PTPRD: variants seen among roughly 807,000 people sequenced by gnomAD.
The protein encoded by PTPRD is protein tyrosine phosphatase receptor type D.
Under a neutral mutation model 214.5 loss-of-function variants are expected in PTPRD, and 34 were observed. The observed-to-expected ratio is 0.16, with a 90% CI of 0.12 to 0.21. The LOEUF (loss-of-function observed/expected upper bound fraction) is 0.21. Ranked by LOEUF, PTPRD falls within the 10% of genes least tolerant of loss-of-function variation. The probability of loss-of-function intolerance (pLI) is 1.00; values close to 1 mark genes in which losing one functional copy is unlikely to be tolerated. For synonymous variants in PTPRD, 1,128 were observed against 845.7 expected, an observed-to-expected ratio of 1.33 and a Z score of -5.79; for missense variants, 2,545 against 2,398.7, an observed-to-expected ratio of 1.06 and a Z score of -1.27.
chr9:10,060,869 T>TTTCC (rs761292264), intron 3 of PTPRD, among the ~76,000 whole-genome samples: 6,077 of 82,884 alleles, frequency 0.073, 652 homozygotes, highest in South Asian at 0.086. Flanking sequence ...TCCTTCCTTC[T>TTTCC]TTCCTTCCTT....
intron 8 of PTPRD, among the ~76,000 whole-genome samples, chr9:9,457,095 G>T (rs1273959119): frequency 6.6e-6 from 1 of 151,900 alleles, no homozygotes; most frequent in Non-Finnish European, 1.5e-5. Context: ...CAACAGGACA[G>T]CAATAGGGTA....
At chr9:9,280,185 A>T (rs1235589606) in intron 9 of PTPRD, among the ~76,000 whole-genome samples, 1 of 151,268 alleles carries the variant, frequency 6.6e-6, no homozygotes, top group African/African-American at 2.4e-5. Context: ...TTATTTCTAC[A>T]TGAATAAGGC....
At position 10,020,114 on chromosome 9, in the gene PTPRD, A is replaced by G. The variant is rs540264589; in HGVS notation, c.-472+13604T>C. On this transcript the variant is annotated intron_variant, in intron 4 of 45. Transcript: ENST00000381196. ...TACTTTTGTGATTTGAAGAAGTTAAATATTTATTATTAATAAGAATACTAT... is the reference window on the plus strand; with the variant it reads ...TACTTTTGTGATTTGAAGAAGTTAAGTATTTATTATTAATAAGAATACTAT... Among the ~76,000 whole-genome samples the G allele has an allele frequency of 1.9e-4, 29 of 152,210 alleles. 1 individual carries two copies. The South Asian group carries it at 5.4e-3, about 28-fold the overall frequency.
At chr9:10,501,525 G>A (rs1292088006) in intron 2 of PTPRD, among the ~76,000 whole-genome samples, 1 of 151,846 alleles carries the variant, frequency 6.6e-6, no homozygotes, top group East Asian at 1.9e-4. Context: ...TTAAGAAGCT[G>A]AGATCTACCT....
At chr9:10,032,387 A>G (rs950449752) in intron 4 of PTPRD, among the ~76,000 whole-genome samples, 1 of 152,196 alleles carries the variant, frequency 6.6e-6, no homozygotes, top group Non-Finnish European at 1.5e-5. Context: ...ACTTGCCAAG[A>G]TATCTTTGGA....
chr9:9,971,165 G>A (rs984751203), intron 4 of PTPRD, among the ~76,000 whole-genome samples: 7 of 152,034 alleles, frequency 4.6e-5, no homozygotes, highest in Non-Finnish European at 1.0e-4. Flanking sequence ...ACAATCATGT[G>A]ATTAACAATA....
chr9:9,919,246 T>C (rs115632926), intron 5 of PTPRD, among the ~76,000 whole-genome samples: 3 of 152,224 alleles, frequency 2.0e-5, no homozygotes, highest in East Asian at 1.9e-4. Flanking sequence ...TCCTTCTAAC[T>C]AGTTTCAGGA....
chr9:8,550,328 T>C, intron 14 of PTPRD, among the ~76,000 whole-genome samples: 1 of 152,186 alleles, frequency 6.6e-6, no homozygotes, highest in South Asian at 2.1e-4. Flanking sequence ...AATGCATGTA[T>C]GGCACTCAAA....
chr9:10,484,722 T>A (rs947062540), intron 2 of PTPRD, among the ~76,000 whole-genome samples: 1 of 152,088 alleles, frequency 6.6e-6, no homozygotes, highest in African/African-American at 2.4e-5. Flanking sequence ...ATTATTATAT[T>A]TTTTCCTATA....
At chr9:9,783,157 T>G (rs1312336072) in intron 5 of PTPRD, among the ~76,000 whole-genome samples, 2 of 152,190 alleles carry the variant, frequency 1.3e-5, no homozygotes, top group African/African-American at 4.8e-5. Flanking sequence ...ATTCTTAAAG[T>G]TTATTTAGAA....
intron 3 of PTPRD, among the ~76,000 whole-genome samples, chr9:10,223,026 C>G (rs75359436): frequency 0.01 from 1,574 of 152,084 alleles, 24 homozygotes; most frequent in African/African-American, 0.033. Context: ...TAAAAATTAG[C>G]AACAATTTTA....
chr9:9,902,174 A>G (rs1235211349), intron 5 of PTPRD, among the ~76,000 whole-genome samples: 1 of 152,098 alleles, frequency 6.6e-6, no homozygotes, highest in African/African-American at 2.4e-5. Context: ...CTATTTTATA[A>G]TTCTAAGCTT....
intron 7 of PTPRD, among the ~76,000 whole-genome samples, chr9:9,631,798 C>T (rs2095603463): frequency 6.6e-6 from 1 of 152,152 alleles, no homozygotes; most frequent in Non-Finnish European, 1.5e-5. Flanking sequence ...ATCAGAGCCT[C>T]ATTTACACCA....
chr9:9,812,425 G>C (rs2047428924), intron 5 of PTPRD, among the ~76,000 whole-genome samples: 1 of 152,052 alleles, frequency 6.6e-6, no homozygotes, highest in Non-Finnish European at 1.5e-5. Flanking sequence ...TATGCTCCCT[G>C]TGAGAGACTA....
chr9:8,581,558 C>G (rs752659678), intron 14 of PTPRD, among the ~76,000 whole-genome samples: 5 of 150,012 alleles, frequency 3.3e-5, no homozygotes, highest in Admixed American at 6.6e-5. Flanking sequence ...ACCATTCTGG[C>G]TAACACAGTG....
intron 5 of PTPRD, among the ~76,000 whole-genome samples, chr9:9,869,534 ATC>A (rs1308251886): frequency 6.6e-6 from 1 of 152,140 alleles, no homozygotes; most frequent in Non-Finnish European, 1.5e-5. Context: ...TTCAGATTGT[ATC>A]TGACATTGTA....
At chr9:10,234,384 A>C (rs1239378823) in intron 3 of PTPRD, among the ~76,000 whole-genome samples, 1 of 151,860 alleles carries the variant, frequency 6.6e-6, no homozygotes, top group Non-Finnish European at 1.5e-5. Context: ...AACACCCAAA[A>C]GTTAATATTG....
intron 11 of PTPRD, among the ~76,000 whole-genome samples, chr9:8,797,884 C>A (rs78431065): frequency 1.8e-5 from 2 of 110,496 alleles, no homozygotes; most frequent in East Asian, 2.4e-4. Context: ...TTTTTTTTTT[C>A]ATTTTTAGAG....
intron 5 of PTPRD, among the ~76,000 whole-genome samples, chr9:9,795,561 G>T (rs904173349): frequency 9.9e-5 from 15 of 151,954 alleles, no homozygotes; most frequent in Admixed American, 2.6e-4. Context: ...AGTCAAAAAG[G>T]GACGTCAAAA....
Sources: allele counts gnomAD v4.1 joint callset (sites outside exome capture counted in the v4.1 genomes callset), GRCh38; gene constraint gnomAD v4.1.1; transcripts MANE v1.5; gene names NCBI Gene and HGNC (gene_info 2026-07-23, HGNC 2026-07-21).